Variants in FBRSL1 observed in about 807,000 individuals in gnomAD.
FBRSL1 encodes fibrosin-1-like protein.
FBRSL1 carries 51 observed loss-of-function variants against 89.6 expected under a neutral mutation model. The ratio of observed to expected loss-of-function variants is 0.57; its 90% CI spans 0.45 to 0.72. The LOEUF (loss-of-function observed/expected upper bound fraction) is 0.72, where lower values mean the gene tolerates loss of function less well. FBRSL1 is among the 30% of genes least tolerant of loss of function. FBRSL1 has a pLI of 0.00. For missense variants in FBRSL1, 1,618 were observed against 1,451.8 expected, an observed-to-expected ratio of 1.11 and a Z score of -1.86; for synonymous variants, 779 against 681.1, an observed-to-expected ratio of 1.14 and a Z score of -2.24.
chr12:132,528,024 C>T, intron 4 of FBRSL1, 36 bp downstream of exon 4: 1 of 1,547,692 alleles, frequency 6.5e-7, no homozygotes, highest in Non-Finnish European at 8.7e-7. Flanking sequence ...ATCTTTGTCC[C>T]CCTGGGGCCT....
At chr12:132,517,014 C>T (rs1258773403) in intron 2 of FBRSL1, among the ~76,000 whole-genome samples, 1 of 152,270 alleles carries the variant, frequency 6.6e-6, no homozygotes, top group Non-Finnish European at 1.5e-5. Flanking sequence ...TTTCTCCCGC[C>T]TCCTGGGCCC....
At position 132,583,413 on chromosome 12, in the gene FBRSL1, G is replaced by A. The variant is rs1461916645; in HGVS notation, c.2644G>A (p.Glu882Lys). ...PGSAALLEPPERPYRDREPHG... is the reference protein window; with the variant it reads ...PGSAALLEPPKRPYRDREPHG... ...CTCCGCCGCCCTCTTGGAGCCCCCG[G>A]AGCGCCCCTACCGCGACCGCGAGCC... Residue 882 changes from glutamate to lysine, a missense_variant, in exon 19 of 19, where the codon GAG (glutamate) becomes AAG (lysine). Glu to Lys is a moderately conservative substitution (Grantham distance 56, BLOSUM62 1). Coordinates refer to ENST00000680143, the MANE Select transcript of FBRSL1 (RefSeq NM_001367871.1). The A allele has an allele frequency of 1.1e-5, 12 of 1,078,486 alleles. No individual in the cohort carries two copies. In the African/African-American group the frequency reaches 1.6e-4, roughly 14 times the overall value. 66.8% of individuals were successfully genotyped at this position (1,078,486 alleles called of 1,614,324 possible). A position where few individuals can be genotyped will look rare whatever the true frequency, so the allele number is the denominator to read the frequency against.
chr12:132,509,571 T>C, intron 2 of FBRSL1: 2 of 1,232,120 alleles, frequency 1.6e-6, no homozygotes, highest in Non-Finnish European at 2.0e-6. Flanking sequence ...GCTGACCCCG[T>C]GTCACCACTG....
At position 132,548,683 on chromosome 12, in the gene FBRSL1, C is replaced by T. The variant is rs1258354970; in HGVS notation, c.645+651C>T. Among the ~76,000 whole-genome samples the T allele has an allele frequency of 4.6e-5, 7 of 152,304 alleles. No individual in the cohort carries two copies. The East Asian group carries it at 7.7e-4, about 17-fold the overall frequency. ...GCTGTGGCCGAGGAGCATCAGGCCC[C>T]GGAGGGCGAGGAGGCCAGGCAGGTG... On this transcript the variant is annotated intron_variant, in intron 5 of 18. Coordinates refer to ENST00000680143, the MANE Select transcript of FBRSL1 (RefSeq NM_001367871.1).
chr12:132,557,373 T>TA (rs1303269023), intron 5 of FBRSL1, among the ~76,000 whole-genome samples: 2 of 152,238 alleles, frequency 1.3e-5, no homozygotes, highest in African/African-American at 4.8e-5. Context: ...CTTCTAGACT[T>TA]CTAACCTCAC....
At chr12:132,497,163 A>G (rs1198000356) in intron 1 of FBRSL1, among the ~76,000 whole-genome samples, 3 of 152,192 alleles carry the variant, frequency 2.0e-5, no homozygotes, top group Non-Finnish European at 4.4e-5. Flanking sequence ...TGGCATAAGA[A>G]TTTATCACTT....
chr12:132,570,330 C>T lies in FBRSL1; in HGVS notation c.1008-5C>T, dbSNP rs561258572. On this transcript the variant is annotated splice_polypyrimidine_tract_variant and splice_region_variant and intron_variant, in intron 7 of 18. Transcript: ENST00000680143. The stretch of plus-strand genomic sequence containing the variant: ...CTGGCAGGCACTGAGCCCCGTGTCC[C>T]GCAGCAGGAGCAGCAGCGCCCCCCT... The T allele has an allele frequency of 7.8e-6, 12 of 1,528,964 alleles. No homozygotes were observed. The Admixed American group carries it at 7.9e-5, about 10-fold the overall frequency. 94.7% of individuals were successfully genotyped at this position (1,528,964 alleles called of 1,614,324 possible).
At chr12:132,533,765 T>C (rs746301640) in intron 4 of FBRSL1, among the ~76,000 whole-genome samples, 10 of 152,182 alleles carry the variant, frequency 6.6e-5, no homozygotes, top group Non-Finnish European at 1.3e-4. Flanking sequence ...TGCCAGGCAC[T>C]GGGTTGTGAG....
intron 5 of FBRSL1, among the ~76,000 whole-genome samples, chr12:132,557,216 A>G (rs2038754002): frequency 6.6e-6 from 1 of 152,170 alleles, no homozygotes; most frequent in Non-Finnish European, 1.5e-5. Flanking sequence ...TCTGAACCGT[A>G]AGCTCTGGAT....
intron 4 of FBRSL1, among the ~76,000 whole-genome samples, chr12:132,540,600 C>T (rs890180307): frequency 6.6e-6 from 1 of 152,020 alleles, no homozygotes; most frequent in South Asian, 2.1e-4. Flanking sequence ...ACTCCACACG[C>T]CCCCTGACCC....
intron 4 of FBRSL1, among the ~76,000 whole-genome samples, chr12:132,542,017 G>A (rs1020669293): frequency 6.6e-5 from 10 of 152,250 alleles, no homozygotes; most frequent in African/African-American, 2.4e-4. Context: ...TGGCGCAGGT[G>A]GTCCTTTTCC....
At chr12:132,569,294 C>T (rs1484640753) in intron 6 of FBRSL1, among the ~76,000 whole-genome samples, 3 of 152,244 alleles carry the variant, frequency 2.0e-5, no homozygotes, top group African/African-American at 4.8e-5. Context: ...GAAGGGTGGC[C>T]AGGGAGCAGG....
intron 5 of FBRSL1, among the ~76,000 whole-genome samples, chr12:132,556,046 G>C (rs1012955399): frequency 2.0e-5 from 3 of 152,138 alleles, no homozygotes; most frequent in Non-Finnish European, 2.9e-5. Context: ...CTGTGTTTCC[G>C]CGAAGTTCCG....
chr12:132,583,377 C>A lies in FBRSL1; in HGVS notation c.2608C>A (p.Pro870Thr). ...LPRRAFPAAA[P>T]APGSAALLEP... ...ACGTCGCGCCTTCCCCGCTGCCGCC[C>A]CCGCCCCGGGCTCCGCCGCCCTCTT... is the stretch of plus-strand genomic sequence containing the variant. The change falls in exon 19 of 19, where the codon CCC (proline) becomes ACC (threonine). Residue 870 changes from proline (P) to threonine (T), a missense_variant. Transcript: ENST00000680143. 9.1e-7 allele frequency: 1 copy of A among 1,097,422 alleles called. No homozygotes were observed. Among genetic ancestry groups the A allele is most frequent in the Non-Finnish European group, 1.1e-6 (1 of 900,938 alleles). 68.0% of individuals were successfully genotyped at this position (1,097,422 alleles called of 1,614,324 possible). A position where few individuals can be genotyped will look rare whatever the true frequency, so the allele number is the denominator to read the frequency against.
intron 1 of FBRSL1, among the ~76,000 whole-genome samples, chr12:132,505,331 T>G (rs1431517933): frequency 1.3e-5 from 2 of 151,964 alleles, no homozygotes; most frequent in Non-Finnish European, 2.9e-5. Context: ...ATCCTTGGGG[T>G]GTGGTGGTTG....
chr12:132,564,091 G>A (rs936827982), intron 5 of FBRSL1, among the ~76,000 whole-genome samples: 5 of 152,236 alleles, frequency 3.3e-5, no homozygotes, highest in Admixed American at 1.3e-4. Context: ...TGTTTCTGAG[G>A]CTCACAGAGC....
At position 132,583,620 on chromosome 12, in the gene FBRSL1, G is replaced by A. The variant is rs1226067870; in HGVS notation, c.2851G>A (p.Ala951Thr). 2.3e-5 allele frequency: 23 copies of A among 992,832 alleles called. No homozygotes were observed. The highest frequency in any genetic ancestry group is 1.1e-4 in the East Asian group (1 of 9,416). The allele number at this position is 992,832 out of a possible 1,614,324, so 61.5% of individuals were successfully genotyped here. ...CCTGGCGCGGACCCCGCCCGCCGCC[G>A]CCGCCCTCGGCGCACCGCCCCCCCT... The part of the protein sequence containing the change: ...GLLARTPPAA[A>T]ALGAPPPLVT... Residue 951 changes from alanine to threonine, a missense_variant, in exon 19 of 19, where the codon GCC becomes ACC. By Grantham distance (58) the Ala-to-Thr change is moderately conservative. Coordinates refer to ENST00000680143, the MANE Select transcript of FBRSL1 (RefSeq NM_001367871.1).
At chr12:132,509,567 C>T (rs1407544695) in intron 2 of FBRSL1, 3 of 1,232,404 alleles carry the variant, frequency 2.4e-6, no homozygotes, top group Non-Finnish European at 3.0e-6. Context: ...CCCTGCTGAC[C>T]CCGTGTCACC....
At chr12:132,511,127 C>T (rs541124661) in intron 2 of FBRSL1, 2 of 985,532 alleles carry the variant, frequency 2.0e-6, no homozygotes, top group East Asian at 2.3e-4. Context: ...GGCCCCCAAG[C>T]TACAGGGGGC....
Sources: allele counts gnomAD v4.1 joint callset (sites outside exome capture counted in the v4.1 genomes callset), GRCh38; gene constraint gnomAD v4.1.1; transcripts MANE v1.5; gene names NCBI Gene and HGNC (gene_info 2026-07-23, HGNC 2026-07-21).